ANKRD30B: variants seen among roughly 807,000 people sequenced by gnomAD.
The protein encoded by ANKRD30B is ankyrin repeat domain 30B.
ANKRD30B carries 144 observed loss-of-function variants against 202.2 expected under a neutral mutation model. That is an observed-to-expected ratio of 0.71 (90% confidence interval 0.62 to 0.82). ANKRD30B has a LOEUF of 0.82. Ranked by LOEUF, ANKRD30B falls within the 40% of genes least tolerant of loss-of-function variation. The pLI, the probability that ANKRD30B is intolerant of heterozygous loss-of-function variation, is 0.00. For missense variants in ANKRD30B, 1,487 were observed against 1,669.1 expected, an observed-to-expected ratio of 0.89 and a Z score of 1.90; for synonymous variants, 508 against 561.3, an observed-to-expected ratio of 0.91 and a Z score of 1.34.
intron 39 of ANKRD30B, among the ~76,000 whole-genome samples, chr18:14,844,756 A>C (rs1971563376): frequency 6.6e-6 from 1 of 152,046 alleles, no homozygotes; most frequent in Non-Finnish European, 1.5e-5. Context: ...TTGTTTCCTG[A>C]CTTTTTAATG....
chr18:14,886,893 G>C, the ANKRD30B span, among the ~76,000 whole-genome samples: 1 of 152,040 alleles, frequency 6.6e-6, no homozygotes, highest in Non-Finnish European at 1.5e-5. Flanking sequence ...CTCTCTCCCA[G>C]GAGTATATCT....
At chr18:14,763,330 C>G (rs1915554764) in intron 6 of ANKRD30B, among the ~76,000 whole-genome samples, 1 of 152,120 alleles carries the variant, frequency 6.6e-6, no homozygotes, top group Non-Finnish European at 1.5e-5. Flanking sequence ...AGATGAATTG[C>G]TTGAGCTCAG....
the ANKRD30B span, among the ~76,000 whole-genome samples, chr18:14,867,546 C>T: frequency 3.9e-5 from 6 of 152,288 alleles, no homozygotes; most frequent in African/African-American, 4.8e-5. Flanking sequence ...CATGGTTACC[C>T]GGCCCTTGCC....
chr18:14,870,892 G>A, the ANKRD30B span, among the ~76,000 whole-genome samples: 1 of 151,886 alleles, frequency 6.6e-6, no homozygotes, highest in Non-Finnish European at 1.5e-5. Context: ...CAAACCTGCA[G>A]CCAGGCCATG....
At chr18:14,893,538 G>T in the ANKRD30B span, among the ~76,000 whole-genome samples, 414 of 152,094 alleles carry the variant, frequency 2.7e-3, 4 homozygotes, top group Admixed American at 0.016. Flanking sequence ...TTGAACCTGG[G>T]ATGCGGAGGT....
chr18:14,805,692 T>C (rs1969466600), intron 24 of ANKRD30B, among the ~76,000 whole-genome samples: 1 of 151,014 alleles, frequency 6.6e-6, no homozygotes, highest in Admixed American at 6.6e-5. Context: ...ATTATTATAA[T>C]GTGTTGCATT....
chr18:14,830,782 G>A (rs1268069878), intron 33 of ANKRD30B, among the ~76,000 whole-genome samples: 1 of 152,198 alleles, frequency 6.6e-6, no homozygotes, highest in African/African-American at 2.4e-5. Context: ...CTCAGGGTAT[G>A]CCAATTATAT....
intron 40 of ANKRD30B, 35 bp downstream of exon 40, chr18:14,848,964 T>G (rs1971770572): frequency 6.2e-6 from 9 of 1,454,126 alleles, no homozygotes; most frequent in Non-Finnish European, 5.4e-6. Flanking sequence ...ATATTTCAAC[T>G]ATTTATACTA....
chr18:14,900,030 C>T, the ANKRD30B span, among the ~76,000 whole-genome samples: 1 of 152,022 alleles, frequency 6.6e-6, no homozygotes, highest in East Asian at 1.9e-4. Flanking sequence ...GCACTCAAAC[C>T]ATTCTTTTCT....
rs188108461 is a variant in ANKRD30B, at chr18:14,825,922, A to T, written c.2744-2356A>T. ...GTCATTCATAAGTTTCCACATGGGG[A>T]ATGCTCATGGGGAAGGAGTAAGAAA... On this transcript the variant is annotated intron_variant, in intron 32 of 43. Coordinates refer to ENST00000690538, the MANE Select transcript of ANKRD30B (RefSeq NM_001367607.2). Among the ~76,000 whole-genome samples, 583 of 152,294 alleles carry T rather than the reference A, an allele frequency of 3.8e-3. 4 individuals carry two copies. Among genetic ancestry groups the T allele is most frequent in the Non-Finnish European group, 6.7e-3 (453 of 68,020 alleles).
chr18:14,819,841 C>CA lies in ANKRD30B; in HGVS notation c.2642-2641dup, dbSNP rs527441285. ...TTTTGGCTTAGGATTGACTTGGCGA[C>CA]ACGGGCTCATTTTTGGTTCCATATG... On this transcript the variant is annotated intron_variant, in intron 30 of 43. Coordinates refer to ENST00000690538, the MANE Select transcript of ANKRD30B (RefSeq NM_001367607.2). Among the ~76,000 whole-genome samples the CA allele has an allele frequency of 2.5e-4, 38 of 152,122 alleles. No individual in the cohort carries two copies. In the East Asian group the frequency reaches 6.8e-3, roughly 27 times the overall value.
intron 26 of ANKRD30B, among the ~76,000 whole-genome samples, chr18:14,809,399 G>C (rs550786584): frequency 1.3e-5 from 2 of 150,812 alleles, no homozygotes; most frequent in Non-Finnish European, 3.0e-5. Flanking sequence ...ACAATCCATA[G>C]AAACACAATG....
rs1598639909 is a variant in ANKRD30B at position 14,799,094 on chromosome 18, C to G, written c.2030-7C>G. The G allele has an allele frequency of 6.4e-7, 1 of 1,570,532 alleles. No individual in the cohort carries two copies. The highest frequency in any genetic ancestry group is 8.8e-7 in the Non-Finnish European group (1 of 1,142,612). ...ATAATCAATTATATATGTCCCTTTT[C>G]TTTTAGAGTCTCCTGATAATGATGG... On this transcript the variant is annotated splice_polypyrimidine_tract_variant and splice_region_variant and intron_variant, in intron 20 of 43. Transcript: ENST00000690538.
rs1598574230 is a variant in ANKRD30B at position 14,760,576 on chromosome 18, C to G, written c.778C>G (p.His260Asp). Residue 260 changes from histidine (H) to aspartate (D), a missense_variant, in exon 6 of 44, where the codon CAT becomes GAT. Transcript: ENST00000690538. Reference protein sequence around the residue: ...VNYIHQQLLEHIRKLPKNPQN... With the variant: ...VNYIHQQLLEDIRKLPKNPQN... ...TAGCATTCATCAACAACTTTTGGAA[C>G]ATATACGAAAATTACCTAAAAATCC... The G allele has an allele frequency of 2.0e-6, 3 of 1,525,670 alleles. No individual in the cohort carries two copies. The East Asian group carries it at 7.5e-5, about 38-fold the overall frequency. The allele number at this position is 1,525,670 out of a possible 1,614,324, so 94.5% of individuals were successfully genotyped here.
At chr18:14,804,468 TGAAAACCTTGTTAACA>T in intron 24 of ANKRD30B, among the ~76,000 whole-genome samples, 1 of 146,806 alleles carries the variant, frequency 6.8e-6, no homozygotes, top group African/African-American at 2.6e-5. Flanking sequence ...GAAAACCGTC[TGAAAACCTTGTTAACA>T]ATTCACACTG....
At chr18:14,895,162 T>G in the ANKRD30B span, among the ~76,000 whole-genome samples, 2,787 of 147,748 alleles carry the variant, frequency 0.019, 144 homozygotes, top group Admixed American at 0.12. Flanking sequence ...AGGGAAGGGT[T>G]GAAAAACCAT....
rs563284474 is a variant in ANKRD30B at position 14,828,275 on chromosome 18, T to C, written c.2744-3T>C. 3.5e-5 allele frequency: 53 copies of C among 1,532,790 alleles called. No homozygotes were observed. The East Asian group carries it at 5.9e-4, about 17-fold the overall frequency. The allele number at this position is 1,532,790 out of a possible 1,614,324, so 94.9% of individuals were successfully genotyped here. On this transcript the variant is annotated splice_polypyrimidine_tract_variant and splice_region_variant and intron_variant, in intron 32 of 43. Coordinates refer to ENST00000690538, the MANE Select transcript of ANKRD30B (RefSeq NM_001367607.2). ...TAATGTATTTTACTCTTTTCTTTAA[T>C]AGAGGATGTGAGTTCTGTAGAGTCC...
chr18:14,902,171 C>T, the ANKRD30B span, among the ~76,000 whole-genome samples: 2 of 152,122 alleles, frequency 1.3e-5, no homozygotes, highest in African/African-American at 2.4e-5. Flanking sequence ...ATTTCCAACC[C>T]GGTCCCTGCC....
the ANKRD30B span, among the ~76,000 whole-genome samples, chr18:14,895,125 C>T: frequency 0.44 from 64,448 of 146,422 alleles, 15,026 homozygotes; most frequent in East Asian, 0.61. Flanking sequence ...ACAACTGACA[C>T]TGGGGACTAC....
Sources: allele counts gnomAD v4.1 joint callset (sites outside exome capture counted in the v4.1 genomes callset), GRCh38; gene constraint gnomAD v4.1.1; transcripts MANE v1.5; gene names NCBI Gene and HGNC (gene_info 2026-07-23, HGNC 2026-07-21).